CCDC178: variants seen among roughly 807,000 people sequenced by gnomAD.
CCDC178 encodes the protein coiled-coil domain-containing protein 178.
In CCDC178, 126 loss-of-function variants were observed where a neutral mutation model predicts 117.4. The observed-to-expected ratio is 1.07, with a 90% confidence interval of 0.93 to 1.24. The LOEUF (loss-of-function observed/expected upper bound fraction) is 1.24, where lower values mean the gene tolerates loss of function less well. Among genes scored for constraint, CCDC178 ranks in the 50% most tolerant of loss-of-function variants. CCDC178 has a pLI of 0.00. For missense variants in CCDC178, 1,030 were observed against 986.9 expected, an observed-to-expected ratio of 1.04 and a Z score of -0.59; for synonymous variants, 283 against 313.4, an observed-to-expected ratio of 0.90 and a Z score of 1.02.
chr18:33,415,365 G>T (rs1323410593), intron 2 of CCDC178, among the ~76,000 whole-genome samples: 1 of 152,160 alleles, frequency 6.6e-6, no homozygotes, highest in Non-Finnish European at 1.5e-5. Context: ...GGAATACTAT[G>T]CAGCCATAAA....
chr18:33,190,608 T>G (rs2058845970), intron 20 of CCDC178, among the ~76,000 whole-genome samples: 1 of 152,206 alleles, frequency 6.6e-6, no homozygotes, highest in African/African-American at 2.4e-5. Flanking sequence ...AAACTTGAGA[T>G]AAGTTGCATA....
chr18:33,189,178 C>A (rs998048785), intron 20 of CCDC178, among the ~76,000 whole-genome samples: 1 of 152,026 alleles, frequency 6.6e-6, no homozygotes, highest in Admixed American at 6.6e-5. Flanking sequence ...AAAATTATAA[C>A]CAAGACAGGA....
chr18:33,256,235 C>T (rs994653074), intron 14 of CCDC178, among the ~76,000 whole-genome samples: 2 of 151,810 alleles, frequency 1.3e-5, no homozygotes, highest in African/African-American at 4.8e-5. Flanking sequence ...TGAAAGCAAA[C>T]CTTTCATTTT....
At chr18:33,401,663 G>A (rs1286144343) in intron 3 of CCDC178, among the ~76,000 whole-genome samples, 2 of 151,804 alleles carry the variant, frequency 1.3e-5, no homozygotes, top group Non-Finnish European at 2.9e-5. Flanking sequence ...ATTTAGTCAT[G>A]CGTTTAGATT....
At chr18:33,365,288 G>C (rs192836789) in intron 6 of CCDC178, among the ~76,000 whole-genome samples, 1 of 152,162 alleles carries the variant, frequency 6.6e-6, no homozygotes, top group East Asian at 1.9e-4. Flanking sequence ...TATAAAAAGA[G>C]CCAAGTTTTC....
chr18:33,057,769 C>T (rs9675779), intron 21 of CCDC178, among the ~76,000 whole-genome samples: 21,620 of 152,142 alleles, frequency 0.14, 2,382 homozygotes, highest in African/African-American at 0.31. Flanking sequence ...GCTGAGATTA[C>T]AGGTGTGAGA....
intron 21 of CCDC178, among the ~76,000 whole-genome samples, chr18:32,978,599 T>C (rs938279861): frequency 6.6e-6 from 1 of 152,166 alleles, no homozygotes; most frequent in Admixed American, 6.5e-5. Flanking sequence ...ATCAAACATT[T>C]TACTAAATAA....
At chr18:33,010,987 T>C (rs2144797738) in intron 21 of CCDC178, among the ~76,000 whole-genome samples, 1 of 152,314 alleles carries the variant, frequency 6.6e-6, no homozygotes, top group Non-Finnish European at 1.5e-5. Flanking sequence ...AGAGAACAGC[T>C]ATTCCCCCAA....
Position 33,092,892 on chromosome 18 carries a change from G to C in CCDC178, c.2257C>G (p.Leu753Val), listed in dbSNP as rs774660262. Reference sequence around the variant, plus strand: ...TGAGCTAAACGCAGATTTTCTTCAAGTGAATCAGCTATTATTTTCTAGAAG... The same window carrying C: ...TGAGCTAAACGCAGATTTTCTTCAACTGAATCAGCTATTATTTTCTAGAAG... Reference protein sequence around the residue: ...QDTQKIIADSLEENLRLAQEY... With the variant: ...QDTQKIIADSVEENLRLAQEY... The change falls in exon 21 of 23, where the codon CTT becomes GTT. Residue 753 changes from leucine (L) to valine (V), a missense_variant. Leu to Val is a conservative substitution (Grantham distance 32, BLOSUM62 1). Transcript: ENST00000383096. The C allele has an allele frequency of 7.0e-6, 11 of 1,565,894 alleles. No individual in the cohort carries two copies. In the South Asian group the frequency reaches 1.1e-4, roughly 15 times the overall value.
Position 33,190,056 on chromosome 18 carries a change from T to G in CCDC178, c.2238+21840A>C, listed in dbSNP as rs571337692. 1.3e-3 allele frequency among the ~76,000 whole-genome samples: 200 copies of G among 152,262 alleles called. 5 individuals carry two copies. In the South Asian group the frequency reaches 0.041, roughly 31 times the overall value. ...CCTAGACTACCAACCAGTGCTTGGC[T>G]GTGGACAACAAAGGTAGCTGACACC... is the stretch of plus-strand genomic sequence containing the variant. On this transcript the variant is annotated intron_variant, in intron 20 of 22. Coordinates refer to ENST00000383096, the MANE Select transcript of CCDC178 (RefSeq NM_001105528.4).
chr18:33,373,913 G>A (rs2063332181), intron 5 of CCDC178, among the ~76,000 whole-genome samples: 1 of 152,084 alleles, frequency 6.6e-6, no homozygotes, highest in Admixed American at 6.6e-5. Flanking sequence ...TAGTTCTCCA[G>A]TTATAAGCAA....
At chr18:33,068,474 A>G (rs546690528) in intron 21 of CCDC178, among the ~76,000 whole-genome samples, 7 of 152,348 alleles carry the variant, frequency 4.6e-5, no homozygotes, top group African/African-American at 1.7e-4. Context: ...ATATACCGTG[A>G]TCAAGTGGGA....
At chr18:33,215,525 AT>A in intron 19 of CCDC178, 24 bp downstream of exon 19, 1 of 1,159,954 alleles carries the variant, frequency 8.6e-7, no homozygotes, top group South Asian at 1.8e-5. Context: ...AAAACTTCAT[AT>A]TTTGATAAAG....
chr18:33,023,269 T>C (rs549594283), intron 21 of CCDC178, among the ~76,000 whole-genome samples: 2 of 152,210 alleles, frequency 1.3e-5, no homozygotes, highest in African/African-American at 4.8e-5. Context: ...CATCCAACAA[T>C]AGCAGAATAC....
At chr18:33,399,445 T>G (rs1599271973) in intron 3 of CCDC178, among the ~76,000 whole-genome samples, 2 of 152,220 alleles carry the variant, frequency 1.3e-5, no homozygotes, top group African/African-American at 2.4e-5. Context: ...ACAGCAGAAC[T>G]TCTTTCAAAA....
At chr18:33,137,124 T>G (rs2058137893) in intron 20 of CCDC178, among the ~76,000 whole-genome samples, 1 of 152,158 alleles carries the variant, frequency 6.6e-6, no homozygotes, top group Admixed American at 6.5e-5. Flanking sequence ...TCTGGAAGTT[T>G]GAAATATTCC....
chr18:32,950,058 A>T (rs1040186063), intron 22 of CCDC178, among the ~76,000 whole-genome samples: 1 of 152,158 alleles, frequency 6.6e-6, no homozygotes, highest in Admixed American at 6.5e-5. Flanking sequence ...GTCATATGTA[A>T]CAACCAGATA....
intron 20 of CCDC178, among the ~76,000 whole-genome samples, chr18:33,126,937 G>A (rs2058012008): frequency 6.6e-6 from 1 of 150,430 alleles, no homozygotes; most frequent in Non-Finnish European, 1.5e-5. Flanking sequence ...TTATAGGCAT[G>A]AGCCACTGTG....
rs1007225553 is a variant in CCDC178 at position 33,233,583 on chromosome 18, G to GC, written c.1594-6729_1594-6728insG. Among the ~76,000 whole-genome samples the GC allele has an allele frequency of 5.4e-5, 8 of 147,552 alleles. No homozygotes were observed. The East Asian group carries it at 6.0e-4, about 11-fold the overall frequency. On this transcript the variant is annotated intron_variant, in intron 15 of 22. Coordinates refer to ENST00000383096, the MANE Select transcript of CCDC178 (RefSeq NM_001105528.4). ...ATATGTAGGTAAGTTGTTAAAGATTGTTTTTTTTTTATCCTGAACAACAAA... is the reference window on the plus strand; with the variant it reads ...ATATGTAGGTAAGTTGTTAAAGATTGCTTTTTTTTTTATCCTGAACAACAAA...
Sources: gnomAD v4.1 joint callset for allele counts (sites outside exome capture counted in the v4.1 genomes callset) on GRCh38, gnomAD v4.1.1 for gene constraint, MANE v1.5 for transcripts, NCBI Gene and HGNC (gene_info 2026-07-23, HGNC 2026-07-21) for gene names.